Variants in GBP7 observed in about 807,000 individuals in gnomAD.
GBP7 encodes guanylate-binding protein 7.
In GBP7, 43 loss-of-function variants were observed where a neutral mutation model predicts 61.3. The observed-to-expected ratio is 0.70, with a 90% CI of 0.55 to 0.91. The LOEUF (loss-of-function observed/expected upper bound fraction) is 0.91. GBP7 is among the 40% of genes least tolerant of loss of function. The probability of loss-of-function intolerance (pLI) is 0.00; values close to 1 mark genes in which losing one functional copy is unlikely to be tolerated. For missense variants in GBP7, 717 were observed against 740.5 expected (o/e 0.97, Z 0.37); for synonymous variants, 267 against 271.0 (o/e 0.99, Z 0.14).
intron 8 of GBP7, among the ~76,000 whole-genome samples, chr1:89,147,131 A>G (rs2100644271): frequency 6.6e-6 from 1 of 152,358 alleles, no homozygotes; most frequent in East Asian, 1.9e-4. Context: ...CTCAATGTCT[A>G]TGAACCATTC....
chr1:89,167,824 C>T (rs952400429), intron 2 of GBP7, among the ~76,000 whole-genome samples: 1 of 152,230 alleles, frequency 6.6e-6, no homozygotes, highest in Non-Finnish European at 1.5e-5. Context: ...TGAAACAAAA[C>T]ACGAGTCCAA....
intron 1 of GBP7, among the ~76,000 whole-genome samples, chr1:89,173,002 T>G (rs1647646597): frequency 6.6e-6 from 1 of 152,198 alleles, no homozygotes; most frequent in Admixed American, 6.5e-5. Context: ...ATATTTGTTC[T>G]GTTACTCAAC....
chr1:89,169,194 A>G (rs563856129), intron 2 of GBP7, among the ~76,000 whole-genome samples: 5 of 152,272 alleles, frequency 3.3e-5, no homozygotes, highest in African/African-American at 1.2e-4. Flanking sequence ...CTGTTTTACC[A>G]TGTTATGACT....
intron 2 of GBP7, among the ~76,000 whole-genome samples, chr1:89,168,363 T>C (rs950119530): frequency 6.6e-6 from 1 of 152,122 alleles, no homozygotes; most frequent in Non-Finnish European, 1.5e-5. Context: ...GGTCTCTCTG[T>C]GAGTAGAAAA....
chr1:89,164,906 C>A, intron 2 of GBP7, 48 bp from the exon 3 acceptor site: 1 of 1,602,468 alleles, frequency 6.2e-7, no homozygotes, highest in Non-Finnish European at 8.5e-7. Context: ...AGAATCCAGG[C>A]AGACAAGGCC....
intron 3 of GBP7, among the ~76,000 whole-genome samples, chr1:89,163,510 T>A (rs2100657283): frequency 6.6e-6 from 1 of 152,228 alleles, no homozygotes; most frequent in African/African-American, 2.4e-5. Flanking sequence ...GGTATATGTG[T>A]CAACAAATTT....
chr1:89,143,703 AGAGT>A (rs769867279), intron 8 of GBP7, among the ~76,000 whole-genome samples: 1 of 152,136 alleles, frequency 6.6e-6, no homozygotes, highest in Non-Finnish European at 1.5e-5. Flanking sequence ...GGAGCAAGAG[AGAGT>A]GAGAGAGAGT....
At chr1:89,175,379 G>A (rs897205716) in intron 1 of GBP7, among the ~76,000 whole-genome samples, 6 of 152,184 alleles carry the variant, frequency 3.9e-5, no homozygotes, top group African/African-American at 1.4e-4. Context: ...GGGCAAACCA[G>A]AAACTAAAAA....
intron 9 of GBP7, among the ~76,000 whole-genome samples, chr1:89,134,604 G>A (rs80300700): frequency 1.3e-4 from 18 of 143,560 alleles, no homozygotes; most frequent in African/African-American, 2.1e-4. Flanking sequence ...AAATCATCCA[G>A]AAAAAAAAAA....
chr1:89,140,307 G>C (rs1455156130), intron 9 of GBP7, among the ~76,000 whole-genome samples: 2 of 117,228 alleles, frequency 1.7e-5, no homozygotes, highest in Non-Finnish European at 3.5e-5. Flanking sequence ...GGGGGAGGGG[G>C]GAGGGATAGC....
intron 3 of GBP7, among the ~76,000 whole-genome samples, chr1:89,158,888 G>C (rs1186143350): frequency 6.6e-6 from 1 of 152,082 alleles, no homozygotes; most frequent in African/African-American, 2.4e-5. Flanking sequence ...GAACCAAAAA[G>C]AGCCCGCATT....
rs970144017 is a variant in GBP7, at chr1:89,172,811, T to C, written c.-19-857A>G. Among the ~76,000 whole-genome samples the C allele has an allele frequency of 4.6e-5, 7 of 152,138 alleles. No homozygotes were observed. In the South Asian group the frequency reaches 1.5e-3, roughly 32 times the overall value. ...TAGTTTTTATTGATGATTCTTTTTG[T>C]GGTGTTTGACTAAATAGGATTTTCT... On this transcript the variant is annotated intron_variant, in intron 1 of 10. Coordinates refer to ENST00000294671, the MANE Select transcript of GBP7 (RefSeq NM_207398.3).
At chr1:89,156,074 C>A (rs1165073749) in intron 3 of GBP7, among the ~76,000 whole-genome samples, 1 of 152,192 alleles carries the variant, frequency 6.6e-6, no homozygotes, top group Non-Finnish European at 1.5e-5. Flanking sequence ...AAAGAATTTT[C>A]AACCCAGAAT....
At chr1:89,145,589 G>A (rs1682046246) in intron 8 of GBP7, among the ~76,000 whole-genome samples, 2 of 152,120 alleles carry the variant, frequency 1.3e-5, no homozygotes. Context: ...AATACAACCA[G>A]AAGTCCACCA....
rs1315242260 is a variant in GBP7 at position 89,141,577 on chromosome 1, T to A, written c.1437A>T (p.Lys479Asn). Residue 479 changes from lysine (K) to asparagine (N), a missense_variant, in exon 9 of 11, where the codon AAA (lysine) becomes AAT (asparagine). Transcript: ENST00000294671. ...TGGCCTTCTCTCCAGCAGTGAGGGCTTTGTCTGACTGCAGGATGGATTCCT... is the reference window on the plus strand; with the variant it reads ...TGGCCTTCTCTCCAGCAGTGAGGGCATTGTCTGACTGCAGGATGGATTCCT... ...VIEESILQSD[K>N]ALTAGEKAIA... 3 of 1,613,884 alleles carry A rather than the reference T, an allele frequency of 1.9e-6. No individual in the cohort carries two copies. In the South Asian group the frequency reaches 3.3e-5, roughly 18 times the overall value.
chr1:89,152,816 A>T (rs768454527), intron 3 of GBP7, 39 bp from the exon 4 acceptor site: 1 of 1,508,272 alleles, frequency 6.6e-7, no homozygotes, highest in Admixed American at 1.9e-5. Flanking sequence ...TGGAAGCCAC[A>T]GTTTAGATAC....
At chr1:89,142,344 G>A (rs1169038394) in intron 8 of GBP7, among the ~76,000 whole-genome samples, 3 of 152,016 alleles carry the variant, frequency 2.0e-5, no homozygotes, top group African/African-American at 7.3e-5. Context: ...TTGAACTCCC[G>A]GGCTGAATGC....
In GBP7 at chr1:89,145,364, G is replaced by A. The variant is rs138366424; in HGVS notation, c.1365+2203C>T. 2.9e-3 allele frequency among the ~76,000 whole-genome samples: 444 copies of A among 152,164 alleles called. 5 individuals carry two copies. Among genetic ancestry groups the A allele is most frequent in the East Asian group, 0.018 (94 of 5,176 alleles). On this transcript the variant is annotated intron_variant, in intron 8 of 10. Coordinates refer to ENST00000294671, the MANE Select transcript of GBP7 (RefSeq NM_207398.3). ...GTCCTCCAGGTTCATTCATGTTGTC[G>A]CCAGTGGTAGGATTTCTTTCTTTTT...
At chr1:89,172,179 T>G (rs930860507) in intron 1 of GBP7, among the ~76,000 whole-genome samples, 8 of 152,074 alleles carry the variant, frequency 5.3e-5, no homozygotes, top group African/African-American at 1.7e-4. Flanking sequence ...GTATGAAGAG[T>G]GCCCATACAC....
Sources: allele counts gnomAD v4.1 joint callset (sites outside exome capture counted in the v4.1 genomes callset), GRCh38; gene constraint gnomAD v4.1.1; transcripts MANE v1.5; gene names NCBI Gene and HGNC (gene_info 2026-07-23, HGNC 2026-07-21).